RCL1: variants seen among roughly 807,000 people sequenced by gnomAD.
RCL1 encodes the protein RNA 3'-terminal phosphate cyclase-like protein.
RCL1 carries 24 observed loss-of-function variants against 42.4 expected under a neutral mutation model. The observed-to-expected ratio is 0.57, with a 90% CI of 0.41 to 0.80. The LOEUF (loss-of-function observed/expected upper bound fraction) is 0.80. RCL1 is among the 30% of genes least tolerant of loss of function. RCL1 has a pLI of 0.00. For synonymous variants in RCL1, 228 were observed against 177.3 expected (o/e 1.29, Z -2.27); for missense variants, 578 against 467.9 (o/e 1.24, Z -2.17).
At chr9:4,826,077 A>AG (rs1404277256) in intron 2 of RCL1, among the ~76,000 whole-genome samples, 3 of 151,614 alleles carry the variant, frequency 2.0e-5, no homozygotes, top group African/African-American at 7.3e-5. Flanking sequence ...AATAAAGAAA[A>AG]AAAAGAAAGA....
At chr9:4,840,593 G>C in intron 5 of RCL1, among the ~76,000 whole-genome samples, 1 of 152,200 alleles carries the variant, frequency 6.6e-6, no homozygotes, top group East Asian at 1.9e-4. Flanking sequence ...CCATAAGGTA[G>C]CAGGTGTGAG....
chr9:4,833,288 A>G lies in RCL1; in HGVS notation c.459+60A>G, dbSNP rs559028518. 138 of 1,254,212 alleles carry G rather than the reference A, an allele frequency of 1.1e-4. No homozygotes were observed. In the Admixed American group the frequency reaches 2.3e-3, roughly 21 times the overall value. 77.7% of individuals were successfully genotyped at this position (1,254,212 alleles called of 1,614,324 possible). A position where few individuals can be genotyped will look rare whatever the true frequency, so the allele number is the denominator to read the frequency against. The stretch of plus-strand genomic sequence containing the variant: ...GTGGAAAACATTTTCCCACTGACTC[A>G]TTGGAAGAGCTGTGTGACTCAGTGT... On this transcript the variant is annotated intron_variant, in intron 4 of 8. Coordinates refer to ENST00000381750, the MANE Select transcript of RCL1 (RefSeq NM_005772.5).
intron 1 of RCL1, among the ~76,000 whole-genome samples, chr9:4,795,877 C>T (rs1842905465): frequency 6.6e-6 from 1 of 152,132 alleles, no homozygotes; most frequent in South Asian, 2.1e-4. Context: ...CCCCTGTTCT[C>T]ATGGAGCTTG....
rs1341013381 is a variant in RCL1 at position 4,860,166 on chromosome 9, T to C, written c.1013T>C (p.Met338Thr). 5 of 1,608,490 alleles carry C rather than the reference T, an allele frequency of 3.1e-6. No individual in the cohort carries two copies. The highest frequency in any genetic ancestry group is 3.4e-6 in the Non-Finnish European group (4 of 1,177,700). Residue 338 changes from methionine (M) to threonine (T), a missense_variant, in exon 9 of 9, where the codon ATG becomes ACG. Coordinates refer to ENST00000381750, the MANE Select transcript of RCL1 (RefSeq NM_005772.5). ...LRHLKSFFQI[M>T]FKIETKPCGE... ...CATTTGAAGAGCTTTTTCCAGATTA[T>C]GTTTAAAATTGAAACCAAGCCATGT...
intron 3 of RCL1, among the ~76,000 whole-genome samples, chr9:4,828,750 A>C (rs1225205711): frequency 1.3e-5 from 2 of 151,966 alleles, no homozygotes; most frequent in African/African-American, 4.8e-5. Flanking sequence ...AGCTTTTCTC[A>C]CTGGCAATAT....
Position 4,793,106 on chromosome 9 carries a change from G to T in RCL1, c.15G>T (p.Ala5=), listed in dbSNP as rs767331520. Residue 5 remains alanine, a synonymous_variant, in exon 1 of 9, where the codon GCG becomes GCT. Coordinates refer to ENST00000381750, the MANE Select transcript of RCL1 (RefSeq NM_005772.5). MATQ[A]HSLSYAGCNF... is the part of the protein sequence containing the mutation. ...AGAGCGCGCACATGGCGACTCAGGC[G>T]CACTCCCTCAGCTACGCAGGGTGCA... 7 of 1,608,994 alleles carry T rather than the reference G, an allele frequency of 4.4e-6. No homozygotes were observed. In the African/African-American group the frequency reaches 8.1e-5, roughly 19 times the overall value.
intron 1 of RCL1, among the ~76,000 whole-genome samples, chr9:4,820,020 G>C (rs114201960): frequency 6.6e-6 from 1 of 152,128 alleles, no homozygotes; most frequent in Non-Finnish European, 1.5e-5. Context: ...ACATCTTTTA[G>C]CTATTTACAG....
intron 8 of RCL1, among the ~76,000 whole-genome samples, chr9:4,851,178 G>C (rs1376218516): frequency 6.6e-6 from 1 of 152,084 alleles, no homozygotes; most frequent in African/African-American, 2.4e-5. Flanking sequence ...ATTAATTGTA[G>C]TGTCTTTTCT....
At chr9:4,801,935 G>A (rs904483813) in intron 1 of RCL1, among the ~76,000 whole-genome samples, 1 of 151,122 alleles carries the variant, frequency 6.6e-6, no homozygotes, top group African/African-American at 2.4e-5. Context: ...TTTTTGAGAC[G>A]GAATCTCGCT....
chr9:4,829,890 G>A (rs540233791), intron 3 of RCL1, among the ~76,000 whole-genome samples: 15 of 152,332 alleles, frequency 9.8e-5, no homozygotes, highest in Non-Finnish European at 1.9e-4. Flanking sequence ...TGAGCTTTCA[G>A]CTGGACACAG....
intron 2 of RCL1, among the ~76,000 whole-genome samples, chr9:4,824,686 T>A (rs114565620): frequency 0.012 from 1,806 of 152,306 alleles, 33 homozygotes; most frequent in African/African-American, 0.041. Context: ...ATCTTGGCTC[T>A]CTTAAGGCAA....
Position 4,827,029 on chromosome 9 carries a change from C to T in RCL1, c.380C>T (p.Pro127Leu). 1 of 1,614,154 alleles carries T rather than the reference C, an allele frequency of 6.2e-7. No homozygotes were observed. Among genetic ancestry groups the T allele is most frequent in the East Asian group, 2.2e-5 (1 of 44,882 alleles). Residue 127 changes from proline (P) to leucine (L), a missense_variant, in exon 3 of 9, where the codon CCT (proline) becomes CTT (leucine). Transcript: ENST00000381750. Reference protein sequence around the residue: ...LRGVTNDQVDPSVDVLKATAL... With the variant: ...LRGVTNDQVDLSVDVLKATAL... ...GGAGTGACCAATGATCAGGTTGACC[C>T]TTCAGTGAGTATTGAGAACAAACCG... is the stretch of plus-strand genomic sequence containing the variant.
At chr9:4,811,638 G>A (rs1816180705) in intron 1 of RCL1, among the ~76,000 whole-genome samples, 1 of 152,122 alleles carries the variant, frequency 6.6e-6, no homozygotes, top group African/African-American at 2.4e-5. Flanking sequence ...TTATGTATGT[G>A]TTTGTGAATA....
intron 5 of RCL1, among the ~76,000 whole-genome samples, chr9:4,840,748 A>T (rs1361787902): frequency 1.3e-5 from 2 of 152,194 alleles, no homozygotes; most frequent in African/African-American, 4.8e-5. Context: ...CCATCAGCAT[A>T]CCAGGAGTCA....
chr9:4,830,947 A>G (rs1160615861), intron 3 of RCL1, among the ~76,000 whole-genome samples: 1 of 152,202 alleles, frequency 6.6e-6, no homozygotes, highest in African/African-American at 2.4e-5. Context: ...TCCCTTAAGC[A>G]GAACTTACAG....
chr9:4,839,979 A>G, intron 5 of RCL1: 1 of 844,664 alleles, frequency 1.2e-6, no homozygotes, highest in South Asian at 5.4e-5. Context: ...GTCAGTTTGG[A>G]TGGGTGGAAG....
At chr9:4,823,187 C>G (rs762028386) in intron 1 of RCL1, among the ~76,000 whole-genome samples, 1 of 151,860 alleles carries the variant, frequency 6.6e-6, no homozygotes, top group Non-Finnish European at 1.5e-5. Flanking sequence ...TACTGTTTCT[C>G]CGTTATTTGG....
chr9:4,844,760 G>A (rs780365295), intron 7 of RCL1, 79 bp downstream of exon 7: 179 of 1,462,996 alleles, frequency 1.2e-4, no homozygotes, highest in South Asian at 1.5e-4. Flanking sequence ...GGCAGCTTTC[G>A]TCCTCTTCCA....
chr9:4,859,006 G>A (rs1051480907), intron 8 of RCL1, among the ~76,000 whole-genome samples: 1 of 152,080 alleles, frequency 6.6e-6, no homozygotes, highest in Admixed American at 6.6e-5. Context: ...TGTGATTCTG[G>A]GCTCTTCCAT....
Sources: allele counts gnomAD v4.1 joint callset (sites outside exome capture counted in the v4.1 genomes callset), GRCh38; gene constraint gnomAD v4.1.1; transcripts MANE v1.5; gene names NCBI Gene and HGNC (gene_info 2026-07-23, HGNC 2026-07-21).